Variants in OBP2B observed in about 807,000 individuals in gnomAD.
The protein encoded by OBP2B is odorant-binding protein 2b.
A neutral mutation model predicts 21.7 loss-of-function variants in OBP2B; 10 were observed. The ratio of observed to expected loss-of-function variants is 0.46; its 90% CI spans 0.28 to 0.78. The LOEUF (loss-of-function observed/expected upper bound fraction) is 0.78, where lower values mean the gene tolerates loss of function less well. OBP2B is among the 30% of genes least tolerant of loss of function. OBP2B has a pLI of 0.11. For synonymous variants in OBP2B, 73 were observed against 91.5 expected, an observed-to-expected ratio of 0.80 and a Z score of 1.16; for missense variants, 153 against 217.7, an observed-to-expected ratio of 0.70 and a Z score of 1.87.
intron 4 of OBP2B, 101 bp from the exon 5 acceptor site, chr9:133,206,517 G>C: frequency 1.3e-6 from 2 of 1,483,206 alleles, no homozygotes; most frequent in East Asian, 2.4e-5. Context: ...CACCAGGACA[G>C]GGGGAGAGGC....
the OBP2B span, among the ~76,000 whole-genome samples, chr9:133,221,387 G>A: frequency 6.6e-6 from 1 of 152,184 alleles, no homozygotes; most frequent in African/African-American, 2.4e-5. Flanking sequence ...TTGCTTGGGT[G>A]TGCACAGATG....
At chr9:133,219,183 G>A in the OBP2B span, among the ~76,000 whole-genome samples, 1 of 152,246 alleles carries the variant, frequency 6.6e-6, no homozygotes, top group Non-Finnish European at 1.5e-5. Context: ...CTAAGAAGAT[G>A]TGTAAATCTC....
the OBP2B span, among the ~76,000 whole-genome samples, chr9:133,221,292 C>G: frequency 4.2e-4 from 64 of 152,152 alleles, no homozygotes; most frequent in Non-Finnish European, 6.3e-4. Flanking sequence ...TTGACTTCTC[C>G]CCCTCACTCA....
At chr9:133,220,359 ACTTCC>A in the OBP2B span, among the ~76,000 whole-genome samples, 1 of 152,222 alleles carries the variant, frequency 6.6e-6, no homozygotes. Context: ...TCTCTCTGTC[ACTTCC>A]CTGAGCTGCG....
At chr9:133,210,537 G>A (rs773318856), upstream of OBP2B, among the ~76,000 whole-genome samples, 6 of 152,044 alleles carry the variant, frequency 3.9e-5, 1 homozygote, top group South Asian at 2.1e-4. Context: ...CTACATCAAC[G>A]GGAAGGTTTC....
chr9:133,211,097 G>T (rs530809694), upstream of OBP2B, among the ~76,000 whole-genome samples: 1 of 152,292 alleles, frequency 6.6e-6, no homozygotes, highest in South Asian at 2.1e-4. Flanking sequence ...CACTGAAGTG[G>T]ACAGTGTCTG....
the OBP2B span, among the ~76,000 whole-genome samples, chr9:133,220,263 G>A: frequency 6.6e-6 from 1 of 152,222 alleles, no homozygotes; most frequent in African/African-American, 2.4e-5. Flanking sequence ...ATGATGGCAT[G>A]TGGAATATAT....
In OBP2B at chr9:133,205,610, G is replaced by A. The variant is rs191651633; in HGVS notation, c.*2-199C>T. On this transcript the variant is annotated intron_variant, in intron 6 of 6. Transcript: ENST00000372034. ...GTGGGTGGATGGTGGGGAGTGGACC[G>A]CGTGGGGACAGGTGCAGGGGGCGAT... is the stretch of plus-strand genomic sequence containing the variant. 5.8e-4 allele frequency: 352 copies of A among 605,436 alleles called. 1 individual carries two copies. Among genetic ancestry groups the A allele is most frequent in the African/African-American group, 1.8e-3 (99 of 54,008 alleles). 37.5% of individuals were successfully genotyped at this position (605,436 alleles called of 1,614,324 possible).
Sources: allele counts gnomAD v4.1 joint callset (sites outside exome capture counted in the v4.1 genomes callset), GRCh38; gene constraint gnomAD v4.1.1; transcripts MANE v1.5; gene names NCBI Gene and HGNC (gene_info 2026-07-23, HGNC 2026-07-21).